JADE2: variants seen among roughly 807,000 people sequenced by gnomAD.
The protein encoded by JADE2 is jade family PHD finger 2.
Under a neutral mutation model 85.7 loss-of-function variants are expected in JADE2, and 13 were observed. The observed-to-expected ratio is 0.15, with a 90% CI of 0.10 to 0.24. JADE2 has a LOEUF of 0.24. JADE2 is among the 10% of genes least tolerant of loss of function. The pLI is 1.00. For synonymous variants in JADE2, 440 were observed against 456.1 expected, an observed-to-expected ratio of 0.96 and a Z score of 0.45; for missense variants, 846 against 1,115.9, an observed-to-expected ratio of 0.76 and a Z score of 3.45.
intron 4 of JADE2, among the ~76,000 whole-genome samples, chr5:134,552,672 T>G (rs1353534149): frequency 1.3e-5 from 2 of 152,240 alleles, no homozygotes; most frequent in Non-Finnish European, 2.9e-5. Flanking sequence ...TTCTTTTTTC[T>G]TTCTTTTTTT....
chr5:134,545,279 G>A (rs1762226834), intron 3 of JADE2, among the ~76,000 whole-genome samples: 1 of 152,180 alleles, frequency 6.6e-6, no homozygotes, highest in Non-Finnish European at 1.5e-5. Context: ...AAACGTTGCT[G>A]CTCCGCCAGC....
rs761022325 is a variant in JADE2 at position 134,559,868 on chromosome 5, C to G, written c.350C>G (p.Ser117Cys). ...PPLEGPPAQA[S>C]PSSTMLGEGS... is the part of the protein sequence containing the mutation. ...CTGGAAGGCCCCCCTGCCCAGGCAT[C>G]CCCGAGCAGCACCATGCTTGGTGAG... is the stretch of plus-strand genomic sequence containing the variant. The change falls in exon 5 of 12, where the codon TCC becomes TGC. Residue 117 changes from serine to cysteine, a missense_variant. Coordinates refer to ENST00000681547, the MANE Select transcript of JADE2 (RefSeq NM_001388185.1). 2.5e-5 allele frequency: 41 copies of G among 1,613,392 alleles called. No individual in the cohort carries two copies. Among genetic ancestry groups the G allele is most frequent in the Non-Finnish European group, 3.3e-5 (39 of 1,179,726 alleles).
Position 134,578,953 on chromosome 5 carries a change from C to A in JADE2, c.2141C>A (p.Pro714His), listed in dbSNP as rs1453803462. 6.2e-7 allele frequency: 1 copy of A among 1,613,144 alleles called. No homozygotes were observed. The highest frequency in any genetic ancestry group is 8.5e-7 in the Non-Finnish European group (1 of 1,179,882). ...AAGDCPILAT[P>H]ESPPPLAPET... The stretch of plus-strand genomic sequence containing the variant: ...GGGGACTGTCCCATCCTAGCCACCC[C>A]TGAAAGCCCCCCGCCACTGGCCCCT... Residue 714 changes from proline to histidine, a missense_variant, in exon 12 of 12, where the codon CCT becomes CAT. Pro to His is a moderately conservative substitution (Grantham distance 77, BLOSUM62 -2). Coordinates refer to ENST00000681547, the MANE Select transcript of JADE2 (RefSeq NM_001388185.1). The surrounding 1 kb of genome is among the most constrained non-coding windows in gnomAD (Gnocchi z 4.4).
At chr5:134,525,236 A>C (rs1466539370), upstream of JADE2, among the ~76,000 whole-genome samples, 1 of 151,288 alleles carries the variant, frequency 6.6e-6, no homozygotes, top group Admixed American at 6.6e-5. Context: ...GTGTGAGCAG[A>C]AAGTGTGAGT....
rs567981651 is a variant in JADE2, at chr5:134,578,528, C to T, written c.1716C>T (p.Thr572=). 3 of 1,599,584 alleles carry T rather than the reference C, an allele frequency of 1.9e-6. No homozygotes were observed. Among genetic ancestry groups the T allele is most frequent in the African/African-American group, 2.7e-5 (2 of 74,798 alleles). Residue 572 remains threonine (T), a synonymous_variant, in exon 12 of 12, where the codon ACC becomes ACT. Transcript: ENST00000681547. This position sits in a 1 kb window ranked among gnomAD's most constrained non-coding sequence, Gnocchi z 4.4. ...GLSTSFPIDG[T]FFNSWLAQSV... ...CCACCTCATTCCCCATCGATGGCACCTTCTTCAACAGCTGGCTGGCACAGT... is the reference window on the plus strand; with the variant it reads ...CCACCTCATTCCCCATCGATGGCACTTTCTTCAACAGCTGGCTGGCACAGT...
intron 3 of JADE2, among the ~76,000 whole-genome samples, chr5:134,541,912 A>G (rs1186323829): frequency 6.6e-6 from 1 of 152,274 alleles, no homozygotes; most frequent in Admixed American, 6.5e-5. Context: ...GACCCTGGAC[A>G]GGGCTAAGGC....
chr5:134,536,960 C>G (rs772318310), intron 2 of JADE2, among the ~76,000 whole-genome samples: 1 of 152,234 alleles, frequency 6.6e-6, no homozygotes, highest in Non-Finnish European at 1.5e-5. Context: ...CCATCCCTAC[C>G]TCCAAGTCTC....
intron 1 of JADE2, chr5:134,526,597 C>G: frequency 2.0e-6 from 2 of 985,426 alleles, no homozygotes; most frequent in Non-Finnish European, 2.4e-6. Context: ...CCGGTCCGGT[C>G]CCAGACACCT....
At chr5:134,555,567 T>C (rs1762862922) in intron 4 of JADE2, among the ~76,000 whole-genome samples, 1 of 152,172 alleles carries the variant, frequency 6.6e-6, no homozygotes, top group Non-Finnish European at 1.5e-5. Flanking sequence ...CCTTGGCTCT[T>C]CAGAAGGAGC....
At chr5:134,561,182 T>A (rs1763299169) in intron 6 of JADE2, among the ~76,000 whole-genome samples, 1 of 152,206 alleles carries the variant, frequency 6.6e-6, no homozygotes, top group Non-Finnish European at 1.5e-5. Context: ...CACTGTCCCA[T>A]CAGCCTCCCT....
At position 134,532,687 on chromosome 5, in the gene JADE2, G is replaced by A. The variant is rs146817538; in HGVS notation, c.1-3171G>A. Among the ~76,000 whole-genome samples, 458 of 152,214 alleles carry A rather than the reference G, an allele frequency of 3.0e-3. 3 individuals carry two copies. The highest frequency in any genetic ancestry group is 0.011 in the African/African-American group (440 of 41,530). ...AACCAGAGGCCAAGATCACATCTAA[G>A]CACCTCCACCCCCCAAGTGTGTTTG... On this transcript the variant is annotated intron_variant, in intron 1 of 11. Coordinates refer to ENST00000681547, the MANE Select transcript of JADE2 (RefSeq NM_001388185.1).
intron 3 of JADE2, 95 bp from the exon 4 acceptor site, chr5:134,551,957 A>G (rs570844707): frequency 1.4e-5 from 16 of 1,125,810 alleles, no homozygotes; most frequent in Non-Finnish European, 1.6e-5. Context: ...CAGAATGTCC[A>G]CTTGAGTTGC....
chr5:134,537,745 A>T (rs903468562), intron 2 of JADE2, among the ~76,000 whole-genome samples: 1 of 152,136 alleles, frequency 6.6e-6, no homozygotes, highest in Admixed American at 6.5e-5. Context: ...CATTAAACTA[A>T]TACTGAGCCC....
At chr5:134,527,753 A>G (rs939601451) in intron 1 of JADE2, among the ~76,000 whole-genome samples, 1 of 151,142 alleles carries the variant, frequency 6.6e-6, no homozygotes, top group Non-Finnish European at 1.5e-5. Context: ...TCCCCTCCCA[A>G]TCCCCTCAGC....
At chr5:134,534,138 G>C (rs536981494) in intron 1 of JADE2, among the ~76,000 whole-genome samples, 1 of 152,106 alleles carries the variant, frequency 6.6e-6, no homozygotes, top group Non-Finnish European at 1.5e-5. Flanking sequence ...TCAAGAGCAC[G>C]GTCTCCTGAA....
rs1764718434 is a variant in JADE2 at position 134,581,714 on chromosome 5, C to G, written c.*2397C>G. The G allele has an allele frequency of 6.5e-6, 1 of 152,970 alleles. No individual in the cohort carries two copies. Among genetic ancestry groups the G allele is most frequent in the South Asian group, 2.1e-4 (1 of 4,852 alleles). 9.5% of individuals were successfully genotyped at this position (152,970 alleles called of 1,614,324 possible). A position where few individuals can be genotyped will look rare whatever the true frequency, so the allele number is the denominator to read the frequency against. ...GACTGGACTGTTGCTGAGCCTGTGT[C>G]CTGCAGAACCCAGATGTCTGTTAGG... On this transcript the variant is annotated 3_prime_UTR_variant, in exon 12 of 12. Coordinates refer to ENST00000681547, the MANE Select transcript of JADE2 (RefSeq NM_001388185.1).
At chr5:134,551,783 C>T (rs775551116) in intron 3 of JADE2, among the ~76,000 whole-genome samples, 5 of 152,142 alleles carry the variant, frequency 3.3e-5, no homozygotes, top group Non-Finnish European at 7.3e-5. Flanking sequence ...TAGGTCCACT[C>T]CCAACTATCC....
intron 10 of JADE2, 88 bp downstream of exon 10, chr5:134,573,850 G>A: frequency 1.1e-6 from 1 of 873,534 alleles, no homozygotes; most frequent in Non-Finnish European, 2.0e-6. Context: ...TTTGGATCCT[G>A]GTGGGGGTAT....
intron 6 of JADE2, among the ~76,000 whole-genome samples, chr5:134,561,546 G>A (rs1386054362): frequency 1.6e-5 from 2 of 127,378 alleles, no homozygotes; most frequent in Non-Finnish European, 3.6e-5. Context: ...AAGGCTCTAG[G>A]TCTTGAGTAT....
Sources: allele counts gnomAD v4.1 joint callset (sites outside exome capture counted in the v4.1 genomes callset), GRCh38; gene constraint gnomAD v4.1.1; non-coding constraint Gnocchi (gnomAD v3.1); transcripts MANE v1.5; gene names NCBI Gene and HGNC (gene_info 2026-07-23, HGNC 2026-07-21).